Variants in SDK1 observed in about 807,000 individuals in gnomAD.
SDK1 encodes protein sidekick-1.
In SDK1, 157 loss-of-function variants were observed where a neutral mutation model predicts 245.5. That is an observed-to-expected ratio of 0.64 (90% CI 0.56 to 0.73). The LOEUF is 0.73. Ranked by LOEUF, SDK1 falls within the 30% of genes least tolerant of loss-of-function variation. The pLI, the probability that SDK1 is intolerant of heterozygous loss-of-function variation, is 0.00. For synonymous variants in SDK1, 1,647 were observed against 1,278.5 expected (o/e 1.29, Z -6.15); for missense variants, 3,583 against 3,002.3 (o/e 1.19, Z -4.52).
rs1392132133 is a variant in SDK1, at chr7:3,504,174, A to ATGTG, written c.299-114905_299-114904insGTGT. 1.5e-3 allele frequency among the ~76,000 whole-genome samples: 92 copies of ATGTG among 62,030 alleles called. 1 individual carries two copies. The highest frequency in any genetic ancestry group is 4.8e-3 in the African/African-American group (85 of 17,758). 40.7% of individuals were successfully genotyped at this position (62,030 alleles called of 152,430 possible). On this transcript the variant is annotated intron_variant, in intron 1 of 44. Coordinates refer to ENST00000404826, the MANE Select transcript of SDK1 (RefSeq NM_152744.4). ...CAAAAAAAAACCAAAAAAATTATATATATATATATGTGTGTGTGTGTGTGT... is the reference window on the plus strand; with the variant it reads ...CAAAAAAAAACCAAAAAAATTATATATGTGTATATATATGTGTGTGTGTGTGTGT...
intron 14 of SDK1, among the ~76,000 whole-genome samples, chr7:3,998,674 C>T (rs1189974882): frequency 6.6e-6 from 1 of 152,148 alleles, no homozygotes; most frequent in Non-Finnish European, 1.5e-5. Context: ...ATGTACTTTT[C>T]CTTAACTCAG....
intron 4 of SDK1, among the ~76,000 whole-genome samples, chr7:3,794,036 T>C (rs60693759): frequency 0.032 from 4,814 of 152,304 alleles, 252 homozygotes; most frequent in African/African-American, 0.11. Flanking sequence ...ACATGCCAAA[T>C]ATGTTTCATC....
At chr7:4,120,045 C>G (rs1165445835) in intron 25 of SDK1, among the ~76,000 whole-genome samples, 1 of 148,394 alleles carries the variant, frequency 6.7e-6, no homozygotes, top group East Asian at 1.9e-4. Flanking sequence ...TAGACACTGT[C>G]AAAAAGAGAA....
At chr7:3,751,564 G>C (rs1409222450) in intron 4 of SDK1, among the ~76,000 whole-genome samples, 1 of 152,158 alleles carries the variant, frequency 6.6e-6, no homozygotes, top group Non-Finnish European at 1.5e-5. Context: ...GCCCAGTAAG[G>C]ATGCTTTTTA....
At chr7:3,893,172 A>G (rs2128102534) in intron 5 of SDK1, among the ~76,000 whole-genome samples, 1 of 152,276 alleles carries the variant, frequency 6.6e-6, no homozygotes, top group East Asian at 1.9e-4. Context: ...GCCTTTTGCT[A>G]GGAAATTTTT....
chr7:3,971,389 C>T (rs1167854431), intron 11 of SDK1, 77 bp from the exon 12 acceptor site: 3 of 935,126 alleles, frequency 3.2e-6, no homozygotes, highest in South Asian at 1.4e-5. Context: ...GTCAGATGAC[C>T]AGGGCATTAT....
intron 4 of SDK1, among the ~76,000 whole-genome samples, chr7:3,672,301 T>G (rs1364290049): frequency 4.6e-5 from 7 of 152,036 alleles, no homozygotes; most frequent in Non-Finnish European, 8.8e-5. Context: ...TCACACGTTA[T>G]TCTATCACAG....
chr7:3,602,728 G>A (rs561477082), intron 1 of SDK1, among the ~76,000 whole-genome samples: 197 of 152,210 alleles, frequency 1.3e-3, no homozygotes, highest in African/African-American at 4.6e-3. Flanking sequence ...TGCTTTTGGT[G>A]TTTTAGACAT....
chr7:3,416,839 G>C (rs1265570447), intron 1 of SDK1, among the ~76,000 whole-genome samples: 1 of 152,086 alleles, frequency 6.6e-6, no homozygotes, highest in African/African-American at 2.4e-5. Flanking sequence ...GATGTTATTT[G>C]TGGTTATGCC....
At chr7:3,421,566 G>C (rs1371150886) in intron 1 of SDK1, among the ~76,000 whole-genome samples, 1 of 152,120 alleles carries the variant, frequency 6.6e-6, no homozygotes, top group Non-Finnish European at 1.5e-5. Flanking sequence ...TTAGTTTTCA[G>C]TATTGAGCTG....
intron 19 of SDK1, among the ~76,000 whole-genome samples, chr7:4,067,047 C>T (rs901485242): frequency 2.6e-5 from 4 of 152,134 alleles, no homozygotes; most frequent in Non-Finnish European, 5.9e-5. Context: ...TCATGGTGCC[C>T]GGGACATCCT....
chr7:3,335,775 C>CTG (rs35742587), intron 1 of SDK1, among the ~76,000 whole-genome samples: 91,790 of 151,798 alleles, frequency 0.6, 28,657 homozygotes, highest in African/African-American at 0.78. Flanking sequence ...AAAGTAGAAA[C>CTG]TGCAAGATAG....
intron 28 of SDK1, among the ~76,000 whole-genome samples, chr7:4,137,752 G>A (rs1448176394): frequency 1.3e-5 from 2 of 152,208 alleles, no homozygotes; most frequent in Non-Finnish European, 1.5e-5. Flanking sequence ...ACACGCCGCC[G>A]TCTTCTGGCC....
At chr7:3,579,879 G>T (rs1043349407) in intron 1 of SDK1, among the ~76,000 whole-genome samples, 1 of 152,214 alleles carries the variant, frequency 6.6e-6, no homozygotes. Flanking sequence ...ACACCCAGAG[G>T]TGCCTTGGGT....
At chr7:3,952,647 C>T (rs1780927607) in intron 7 of SDK1, among the ~76,000 whole-genome samples, 1 of 151,382 alleles carries the variant, frequency 6.6e-6, no homozygotes, top group Admixed American at 6.6e-5. Flanking sequence ...TATTTTTTGA[C>T]CTAGCAGAAA....
intron 4 of SDK1, among the ~76,000 whole-genome samples, chr7:3,764,397 C>G (rs1476624173): frequency 6.6e-6 from 1 of 152,066 alleles, no homozygotes; most frequent in Non-Finnish European, 1.5e-5. Context: ...TTAAAATAAC[C>G]ATCCTAGGCC....
At chr7:4,063,521 G>T (rs1252943501) in intron 19 of SDK1, among the ~76,000 whole-genome samples, 7 of 150,546 alleles carry the variant, frequency 4.6e-5, no homozygotes, top group African/African-American at 1.2e-4. Flanking sequence ...TTATTAAAAT[G>T]ACCATACTCC....
intron 1 of SDK1, among the ~76,000 whole-genome samples, chr7:3,606,181 T>C (rs1192002384): frequency 6.6e-6 from 1 of 152,156 alleles, no homozygotes; most frequent in African/African-American, 2.4e-5. Context: ...AACTACATCT[T>C]TCTGGTTTTT....
intron 22 of SDK1, among the ~76,000 whole-genome samples, chr7:4,082,743 C>T (rs1037137889): frequency 6.6e-6 from 1 of 151,978 alleles, no homozygotes; most frequent in East Asian, 1.9e-4. Context: ...ATCTCAGCCT[C>T]CTGAGTAGCT....
Sources: gnomAD v4.1 joint callset for allele counts (sites outside exome capture counted in the v4.1 genomes callset) on GRCh38, gnomAD v4.1.1 for gene constraint, MANE v1.5 for transcripts, NCBI Gene and HGNC (gene_info 2026-07-23, HGNC 2026-07-21) for gene names.